The following SMARCAL1 variants were observed in gnomAD, a reference collection of about 807,000 sequenced individuals.
SMARCAL1 encodes the protein ATP-driven annealing helicase.
In SMARCAL1, 58 loss-of-function variants were observed where a neutral mutation model predicts 94.5. That is an observed-to-expected ratio of 0.61 (90% CI 0.50 to 0.76). SMARCAL1 has a LOEUF of 0.76. Among genes scored for constraint, SMARCAL1 ranks in the 30% least tolerant of loss-of-function variants. SMARCAL1 has a pLI of 0.00. For synonymous variants in SMARCAL1, 422 were observed against 455.1 expected (o/e 0.93, Z 0.93); for missense variants, 1,051 against 1,177.9 (o/e 0.89, Z 1.58).
At chr2:216,455,003 A>G (rs1400373113) in intron 12 of SMARCAL1, among the ~76,000 whole-genome samples, 3 of 152,328 alleles carry the variant, frequency 2.0e-5, no homozygotes, top group African/African-American at 7.2e-5. Flanking sequence ...CTCCCACCCT[A>G]ATACTGCGCT....
Position 216,482,696 on chromosome 2 carries a change from T to C in SMARCAL1, c.2626-42T>C. On this transcript the variant is annotated intron_variant, in intron 17 of 17. Transcript: ENST00000357276. The surrounding 1 kb of genome is among the most constrained non-coding windows in gnomAD (Gnocchi z 4.3). ...GTGGAGGAGAGTCAGTGTTGGAGCC[T>C]GGGCTCTTCCTTTTATCTTTTGTTT... 2 of 1,614,120 alleles carry C rather than the reference T, an allele frequency of 1.2e-6. No homozygotes were observed. Among genetic ancestry groups the C allele is most frequent in the Non-Finnish European group, 1.7e-6 (2 of 1,179,990 alleles).
intron 11 of SMARCAL1, among the ~76,000 whole-genome samples, chr2:216,450,416 A>G (rs549201962): frequency 1.3e-3 from 205 of 152,354 alleles, no homozygotes; most frequent in Non-Finnish European, 1.9e-3. Flanking sequence ...AGTCTCATCA[A>G]ATAAAGATGT....
chr2:216,436,756 C>T (rs2106038732), intron 9 of SMARCAL1, among the ~76,000 whole-genome samples: 1 of 152,244 alleles, frequency 6.6e-6, no homozygotes, highest in East Asian at 1.9e-4. Context: ...TGAGTGTTGC[C>T]TTGTGTTAGG....
chr2:216,450,297 C>A (rs1159153754), intron 11 of SMARCAL1, among the ~76,000 whole-genome samples: 1 of 152,216 alleles, frequency 6.6e-6, no homozygotes, highest in Non-Finnish European at 1.5e-5. Context: ...GCTCCTCCTG[C>A]CAACCCCAGC....
chr2:216,438,276 C>T (rs575485329), intron 9 of SMARCAL1, 144 bp from the exon 10 acceptor site: 108 of 734,678 alleles, frequency 1.5e-4, no homozygotes, highest in Non-Finnish European at 2.3e-4. Flanking sequence ...CTGACCTAGG[C>T]CCAGTGAGCC....
At chr2:216,448,730 G>A (rs890575319) in intron 11 of SMARCAL1, among the ~76,000 whole-genome samples, 2 of 152,058 alleles carry the variant, frequency 1.3e-5, no homozygotes, top group African/African-American at 4.8e-5. Flanking sequence ...TACTCTGCAG[G>A]CTGAGGCACG....
At position 216,422,005 on chromosome 2, in the gene SMARCAL1, C is replaced by T. The variant is rs1468500761; in HGVS notation, c.1096+1473C>T. On this transcript the variant is annotated intron_variant, in intron 5 of 17. Transcript: ENST00000357276. ...GGAGTTGTGCGAGGCCCAGGCAGGT[C>T]GTGAGATGAGCTGCTCCACGACAGT... Among the ~76,000 whole-genome samples, 5 of 152,188 alleles carry T rather than the reference C, an allele frequency of 3.3e-5. No homozygotes were observed. The East Asian group carries it at 7.8e-4, about 24-fold the overall frequency.
chr2:216,453,745 A>T (rs533151097), intron 12 of SMARCAL1, among the ~76,000 whole-genome samples: 1 of 152,306 alleles, frequency 6.6e-6, no homozygotes, highest in Admixed American at 6.5e-5. Context: ...TTTTAGTCCC[A>T]AGTTTCCTTG....
At chr2:216,443,104 C>T (rs548517255) in intron 10 of SMARCAL1, among the ~76,000 whole-genome samples, 51 of 152,182 alleles carry the variant, frequency 3.4e-4, no homozygotes, top group South Asian at 1.5e-3. Flanking sequence ...TTAGGCCGGG[C>T]GCAGTGGCTC....
In SMARCAL1 at chr2:216,440,288, A is replaced by G. The variant is rs549928383; in HGVS notation, c.1710+1803A>G. Among the ~76,000 whole-genome samples, 103 of 152,336 alleles carry G rather than the reference A, an allele frequency of 6.8e-4. 1 individual carries two copies. The highest frequency in any genetic ancestry group is 3.4e-3 in the Middle Eastern group (1 of 294). ...TTGTTTAGACAAAAGAAAATGCACA[A>G]TAGATAGATTCTATCATTAAAGATA... On this transcript the variant is annotated intron_variant, in intron 10 of 17. Coordinates refer to ENST00000357276, the MANE Select transcript of SMARCAL1 (RefSeq NM_014140.4).
chr2:216,438,401 T>C lies in SMARCAL1; in HGVS notation c.1645-19T>C, dbSNP rs757704897. 10 of 1,610,864 alleles carry C rather than the reference T, an allele frequency of 6.2e-6. No individual in the cohort carries two copies. The highest frequency in any genetic ancestry group is 1.7e-4 in the Middle Eastern group (1 of 6,060). On this transcript the variant is annotated intron_variant, in intron 9 of 17. Coordinates refer to ENST00000357276, the MANE Select transcript of SMARCAL1 (RefSeq NM_014140.4). ...CTCAGGATTGGATCTTGTACACTTA[T>C]GTGGCTACTTCTTTTCAGGATGAAT... is the stretch of plus-strand genomic sequence containing the variant.
At chr2:216,430,234 A>G in intron 7 of SMARCAL1, among the ~76,000 whole-genome samples, 1 of 151,658 alleles carries the variant, frequency 6.6e-6, no homozygotes, top group Non-Finnish European at 1.5e-5. Flanking sequence ...TAACTTTCAT[A>G]GTCTGAAGAG....
chr2:216,444,057 G>C (rs1281445941), intron 10 of SMARCAL1, among the ~76,000 whole-genome samples: 1 of 152,100 alleles, frequency 6.6e-6, no homozygotes, highest in African/African-American at 2.4e-5. Flanking sequence ...AGCTATGCTT[G>C]CCACTATCCT....
chr2:216,446,967 C>T lies in SMARCAL1; in HGVS notation c.1711-51C>T, dbSNP rs186965111. ...CCTCACTGGGGCATTTTGAACATTT[C>T]CTGTGTGCTCCTCCCTGTGTTCAGA... On this transcript the variant is annotated intron_variant, in intron 10 of 17. Transcript: ENST00000357276. The T allele has an allele frequency of 2.0e-5, 33 of 1,612,860 alleles. No individual in the cohort carries two copies. In the East Asian group the frequency reaches 3.3e-4, roughly 16 times the overall value.
rs1418224395 is a variant in SMARCAL1, at chr2:216,428,599, C to A, written c.1151C>A (p.Ala384Glu). ...ATGCTTCTGTTCTTCTTTTCAGTTG[C>A]AAAGGTGCGCTGCCTCCCACAAGTT... ...FLLEEHSKLI[A>E]KVRCLPQVQL... Residue 384 changes from alanine to glutamate, a missense_variant, in exon 7 of 18, where the codon GCA (alanine) becomes GAA (glutamate). Coordinates refer to ENST00000357276, the MANE Select transcript of SMARCAL1 (RefSeq NM_014140.4). 6.2e-7 allele frequency: 1 copy of A among 1,613,598 alleles called. No homozygotes were observed. The highest frequency in any genetic ancestry group is 1.8e-4 in the Middle Eastern group (1 of 5,626).
intron 6 of SMARCAL1, among the ~76,000 whole-genome samples, chr2:216,426,054 G>A (rs577923028): frequency 1.2e-3 from 177 of 152,324 alleles, no homozygotes; most frequent in African/African-American, 3.9e-3. Flanking sequence ...TAGAGATGGG[G>A]TTTTGCCATG....
intron 10 of SMARCAL1, among the ~76,000 whole-genome samples, chr2:216,444,900 A>C (rs1010077520): frequency 1.5e-4 from 23 of 152,174 alleles, no homozygotes; most frequent in African/African-American, 5.6e-4. Context: ...GTATACACGA[A>C]CTCAGCCTAT....
intron 8 of SMARCAL1, 133 bp downstream of exon 8, chr2:216,433,001 G>C: frequency 2.6e-6 from 3 of 1,145,152 alleles, no homozygotes; most frequent in Non-Finnish European, 3.9e-6. Context: ...GGCAGGAAGA[G>C]AGATGAGATG....
chr2:216,467,848 A>AT, intron 13 of SMARCAL1, 96 bp from the exon 14 acceptor site: 1 of 806,772 alleles, frequency 1.2e-6, no homozygotes. Flanking sequence ...ATCTTCTATG[A>AT]TCCCAGATAA....
Sources: gnomAD v4.1 joint callset for allele counts (sites outside exome capture counted in the v4.1 genomes callset) on GRCh38, gnomAD v4.1.1 for gene constraint, Gnocchi (gnomAD v3.1) non-coding constraint, MANE v1.5 for transcripts, NCBI Gene and HGNC (gene_info 2026-07-23, HGNC 2026-07-21) for gene names.